LHX8: variants seen among roughly 807,000 people sequenced by gnomAD.
LHX8 encodes the protein LIM homeobox 8, also known as LIM/homeobox protein Lhx8.
Under a neutral mutation model 40.3 loss-of-function variants are expected in LHX8, and 12 were observed. The observed-to-expected ratio is 0.30, with a 90% CI of 0.19 to 0.48. The LOEUF (loss-of-function observed/expected upper bound fraction) is 0.48, where lower values mean the gene tolerates loss of function less well. LHX8 is among the 20% of genes least tolerant of loss of function. The pLI is 0.99. For synonymous variants in LHX8, 179 were observed against 162.0 expected, an observed-to-expected ratio of 1.10 and a Z score of -0.80; for missense variants, 344 against 433.7, an observed-to-expected ratio of 0.79 and a Z score of 1.84.
intron 6 of LHX8, among the ~76,000 whole-genome samples, chr1:75,146,291 G>A (rs1648457868): frequency 6.6e-6 from 1 of 151,962 alleles, no homozygotes; most frequent in Non-Finnish European, 1.5e-5. Flanking sequence ...GGATAAATAA[G>A]AAAATTTTCC....
rs1329452389 is a variant in LHX8, at chr1:75,134,539, C to A, written c.-428C>A. ...ATCAGCTTTTATTAGTGGATCGGGG[C>A]GGGGGAGGGGGGAGATCGGCAGACA... On this transcript the variant is annotated 5_prime_UTR_variant, in exon 1 of 9. Coordinates refer to ENST00000356261, the MANE Select transcript of LHX8 (RefSeq NM_001256114.2). Among the ~76,000 whole-genome samples, 1 of 88,740 alleles carries A rather than the reference C, an allele frequency of 1.1e-5. No homozygotes were observed. The highest frequency in any genetic ancestry group is 2.4e-5 in the Non-Finnish European group (1 of 42,418). The allele number at this position is 88,740 out of a possible 152,430, so 58.2% of individuals were successfully genotyped here. A position where few individuals can be genotyped will look rare whatever the true frequency, so the allele number is the denominator to read the frequency against.
the LHX8 span, among the ~76,000 whole-genome samples, chr1:75,169,129 C>A: frequency 6.6e-6 from 1 of 152,168 alleles, no homozygotes; most frequent in African/African-American, 2.4e-5. Context: ...CACCCATGCA[C>A]CCCATTACTT....
intron 8 of LHX8, among the ~76,000 whole-genome samples, chr1:75,157,781 G>T (rs1169892843): frequency 6.6e-6 from 1 of 152,192 alleles, no homozygotes; most frequent in East Asian, 1.9e-4. Flanking sequence ...GAAATCCACT[G>T]TAGGAATATA....
At chr1:75,145,070 AGATTTCTTAATTTAGGCATAAATTC>A (rs1029470371) in intron 6 of LHX8, among the ~76,000 whole-genome samples, 4 of 152,168 alleles carry the variant, frequency 2.6e-5, no homozygotes, top group African/African-American at 7.2e-5. Context: ...TGATTGTTTC[AGATTTCTTAATTTAGGCATAAATTC>A]GATTTCTTAA....
chr1:75,140,497 C>T (rs1648282003), intron 3 of LHX8, among the ~76,000 whole-genome samples: 2 of 152,104 alleles, frequency 1.3e-5, no homozygotes, highest in Non-Finnish European at 2.9e-5. Flanking sequence ...CCTGCATTTT[C>T]ACTTTCTTTA....
At chr1:75,144,551 A>G (rs954511712) in intron 6 of LHX8, among the ~76,000 whole-genome samples, 2 of 144,008 alleles carry the variant, frequency 1.4e-5, no homozygotes, top group African/African-American at 4.9e-5. Flanking sequence ...ATGTCCCCTG[A>G]AAAGGGAGGG....
At chr1:75,185,226 G>A in the LHX8 span, among the ~76,000 whole-genome samples, 4 of 151,788 alleles carry the variant, frequency 2.6e-5, no homozygotes, top group African/African-American at 4.8e-5. Flanking sequence ...AAAAATTGAG[G>A]AGGAGGGACT....
chr1:75,181,367 C>A, the LHX8 span, among the ~76,000 whole-genome samples: 1 of 152,250 alleles, frequency 6.6e-6, no homozygotes, highest in East Asian at 1.9e-4. Context: ...TGGGCTCCAC[C>A]CAGTTCGAGC....
intron 7 of LHX8, among the ~76,000 whole-genome samples, chr1:75,150,419 A>G (rs969640818): frequency 6.6e-6 from 1 of 152,196 alleles, no homozygotes; most frequent in African/African-American, 2.4e-5. Flanking sequence ...ACAGGACTCA[A>G]GCAAAGAGAT....
chr1:75,135,771 T>G (rs940394629), intron 1 of LHX8, among the ~76,000 whole-genome samples: 5 of 152,390 alleles, frequency 3.3e-5, no homozygotes, highest in African/African-American at 1.2e-4. Flanking sequence ...GGGTGAGTTC[T>G]TTTAATGGCA....
the LHX8 span, among the ~76,000 whole-genome samples, chr1:75,193,385 GA>G: frequency 2.0e-5 from 3 of 152,132 alleles, no homozygotes; most frequent in Non-Finnish European, 4.4e-5. Context: ...ATGTGCAGCA[GA>G]ATCACCTGTG....
Position 75,137,000 on chromosome 1 carries a change from G to A in LHX8, c.76-100G>A, listed in dbSNP as rs1461265944. ...AGCTGGGGGTGGGGTGGGGTGGCCAGGGGGAAGGGAGGGGAGGCGGTGGGG... is the reference window on the plus strand; with the variant it reads ...AGCTGGGGGTGGGGTGGGGTGGCCAAGGGGAAGGGAGGGGAGGCGGTGGGG... On this transcript the variant is annotated intron_variant, in intron 2 of 8. Coordinates refer to ENST00000356261, the MANE Select transcript of LHX8 (RefSeq NM_001256114.2). 2.9e-6 allele frequency: 4 copies of A among 1,365,550 alleles called. 1 individual carries two copies. The highest frequency in any genetic ancestry group is 3.9e-6 in the Non-Finnish European group (4 of 1,016,112). The allele number at this position is 1,365,550 out of a possible 1,614,324, so 84.6% of individuals were successfully genotyped here. A position where few individuals can be genotyped will look rare whatever the true frequency, so the allele number is the denominator to read the frequency against.
At chr1:75,158,097 T>C (rs2462947) in intron 8 of LHX8, among the ~76,000 whole-genome samples, 1 of 152,312 alleles carries the variant, frequency 6.6e-6, no homozygotes, top group Admixed American at 6.5e-5. Context: ...ATTAGCAAAT[T>C]TGATGATTGT....
chr1:75,168,883 T>C, the LHX8 span, among the ~76,000 whole-genome samples: 1 of 152,326 alleles, frequency 6.6e-6, no homozygotes, highest in African/African-American at 2.4e-5. Context: ...TCCCCACATC[T>C]TTGCCATTCC....
the LHX8 span, among the ~76,000 whole-genome samples, chr1:75,193,715 A>G: frequency 6.6e-6 from 1 of 152,172 alleles, no homozygotes; most frequent in African/African-American, 2.4e-5. Context: ...GCCTACATTT[A>G]TCTAACTAGC....
intron 7 of LHX8, among the ~76,000 whole-genome samples, 154 bp downstream of exon 7, chr1:75,148,836 C>G (rs944024596): frequency 7.9e-5 from 12 of 152,078 alleles, no homozygotes; most frequent in African/African-American, 2.4e-4. Flanking sequence ...GCCACTGTAC[C>G]TGGCCACAGG....
the LHX8 span, among the ~76,000 whole-genome samples, chr1:75,193,671 A>G: frequency 6.6e-6 from 1 of 152,186 alleles, no homozygotes. Context: ...ATATAACTCC[A>G]ACCTGTGTTT....
At chr1:75,143,982 C>T (rs1648392945) in intron 6 of LHX8, 34 bp downstream of exon 6, 1 of 1,553,396 alleles carries the variant, frequency 6.4e-7, no homozygotes, top group African/African-American at 1.4e-5. Flanking sequence ...ATTTTTGAAG[C>T]CCCTCCCAAC....
chr1:75,192,876 A>G, the LHX8 span, among the ~76,000 whole-genome samples: 1 of 151,958 alleles, frequency 6.6e-6, no homozygotes, highest in African/African-American at 2.4e-5. Flanking sequence ...TATTTTTAGT[A>G]GAGACGGGGG....
Sources: gnomAD v4.1 joint callset for allele counts (sites outside exome capture counted in the v4.1 genomes callset) on GRCh38, gnomAD v4.1.1 for gene constraint, MANE v1.5 for transcripts, NCBI Gene and HGNC (gene_info 2026-07-23, HGNC 2026-07-21) for gene names.